Variants in NCKAP1 observed in about 807,000 individuals in gnomAD.
NCKAP1 encodes NCK associated protein 1, also known as nck-associated protein 1.
In NCKAP1, 21 loss-of-function variants were observed where a neutral mutation model predicts 151.2. The ratio of observed to expected loss-of-function variants is 0.14; its 90% CI spans 0.10 to 0.20. The LOEUF (loss-of-function observed/expected upper bound fraction) is 0.20, where lower values mean the gene tolerates loss of function less well. Ranked by LOEUF, NCKAP1 falls within the 10% of genes least tolerant of loss-of-function variation. NCKAP1 has a pLI of 1.00. For synonymous variants in NCKAP1, 484 were observed against 451.8 expected, an observed-to-expected ratio of 1.07 and a Z score of -0.90; for missense variants, 933 against 1,352.1, an observed-to-expected ratio of 0.69 and a Z score of 4.86.
At position 182,918,389 on chromosome 2, in the gene NCKAP1, T is replaced by C. The variant is rs2105789228; in HGVS notation, c.*7313A>G. ...ATCAAAAAAAATCTGCATGTGTATA[T>C]TTATTGCAGCACAATTCATAACTGC... On this transcript the variant is annotated 3_prime_UTR_variant, in exon 31 of 31. Transcript: ENST00000361354. The C allele has an allele frequency of 6.6e-6, 1 of 152,294 alleles. No individual in the cohort carries two copies. Among genetic ancestry groups the C allele is most frequent in the Non-Finnish European group, 1.5e-5 (1 of 68,026 alleles). The allele number at this position is 152,294 out of a possible 1,614,324, so 9.4% of individuals were successfully genotyped here.
At position 183,007,437 on chromosome 2, in the gene NCKAP1, T is replaced by C. The variant is rs535446807; in HGVS notation, c.220-4112A>G. On this transcript the variant is annotated intron_variant, in intron 2 of 30. Coordinates refer to ENST00000361354, the MANE Select transcript of NCKAP1 (RefSeq NM_013436.5). The stretch of plus-strand genomic sequence containing the variant: ...CACACAAATATAAGTATCGAGAAAA[T>C]TGAAATTTATTATGTATTCTAAATC... 4.6e-5 allele frequency among the ~76,000 whole-genome samples: 7 copies of C among 152,256 alleles called. No homozygotes were observed. In the South Asian group the frequency reaches 1.5e-3, roughly 32 times the overall value.
intron 6 of NCKAP1, 89 bp from the exon 7 acceptor site, chr2:182,995,927 A>G: frequency 1.7e-6 from 2 of 1,146,450 alleles, no homozygotes; most frequent in Non-Finnish European, 2.5e-6. Context: ...GTTTCTAACT[A>G]TACCATCATA....
intron 1 of NCKAP1, chr2:183,024,846 A>T (rs777421644): frequency 1.1e-5 from 10 of 945,680 alleles, no homozygotes; most frequent in African/African-American, 6.6e-5. Context: ...GAGGAAATAC[A>T]CTACTGCAAT....
chr2:182,960,268 T>C (rs1223770811), intron 18 of NCKAP1, among the ~76,000 whole-genome samples: 3 of 152,106 alleles, frequency 2.0e-5, no homozygotes, highest in South Asian at 2.1e-4. Context: ...GAGCCCGCAT[T>C]GCCAAGTCAA....
intron 2 of NCKAP1, among the ~76,000 whole-genome samples, chr2:183,012,861 G>C (rs528470949): frequency 1.3e-5 from 2 of 150,308 alleles, no homozygotes; most frequent in African/African-American, 4.9e-5. Context: ...CTGACCTCAA[G>C]TGATCCACTC....
Position 183,001,933 on chromosome 2 carries a change from G to A in NCKAP1, c.603+20C>T, listed in dbSNP as rs749975685. The A allele has an allele frequency of 1.3e-6, 2 of 1,587,954 alleles. No individual in the cohort carries two copies. The highest frequency in any genetic ancestry group is 2.2e-5 in the South Asian group (2 of 90,344). ...ATGTTATATGCCCATTCTCTCATAT[G>A]CCTAACAACTGCCTCTTACCTTGCT... is the stretch of plus-strand genomic sequence containing the variant. On this transcript the variant is annotated intron_variant, in intron 6 of 30. Coordinates refer to ENST00000361354, the MANE Select transcript of NCKAP1 (RefSeq NM_013436.5).
At chr2:182,999,336 G>A (rs185407662) in intron 6 of NCKAP1, among the ~76,000 whole-genome samples, 3 of 152,112 alleles carry the variant, frequency 2.0e-5, no homozygotes, top group Admixed American at 6.5e-5. Context: ...GGCAAAGGAC[G>A]TCAATAAACA....
chr2:182,974,281 A>G (rs988013657), intron 15 of NCKAP1, among the ~76,000 whole-genome samples: 4 of 149,236 alleles, frequency 2.7e-5, no homozygotes, highest in Non-Finnish European at 6.0e-5. Context: ...AAAAAAAAAA[A>G]GGGTCTGTAT....
At position 182,915,963 on chromosome 2, in the gene NCKAP1, G is replaced by A. The variant is rs1395332038; in HGVS notation, c.*9739C>T. ...TTCACCTTTTGTCTATTTATACAAG[G>A]GGCTCAGATTCTGCATCTTCTCCCC... On this transcript the variant is annotated 3_prime_UTR_variant, in exon 31 of 31. Coordinates refer to ENST00000361354, the MANE Select transcript of NCKAP1 (RefSeq NM_013436.5). 1 of 151,796 alleles carries A rather than the reference G, an allele frequency of 6.6e-6. No individual in the cohort carries two copies. The highest frequency in any genetic ancestry group is 1.9e-4 in the East Asian group (1 of 5,190). The allele number at this position is 151,796 out of a possible 1,614,324, so 9.4% of individuals were successfully genotyped here. A position where few individuals can be genotyped will look rare whatever the true frequency, so the allele number is the denominator to read the frequency against.
At position 182,913,830 on chromosome 2, in the gene NCKAP1, G is replaced by A. The variant is rs1335345967; in HGVS notation, c.*11872C>T. ...TGCATCTGCCTCATTCTTTTTTCCT[G>A]ATCAGCACTCTGATGCTCTCTGCCC... On this transcript the variant is annotated 3_prime_UTR_variant, in exon 31 of 31. Transcript: ENST00000361354. The A allele has an allele frequency of 6.6e-6, 1 of 152,040 alleles. No homozygotes were observed. The highest frequency in any genetic ancestry group is 1.5e-5 in the Non-Finnish European group (1 of 68,116). 9.4% of individuals were successfully genotyped at this position (152,040 alleles called of 1,614,324 possible). A position where few individuals can be genotyped will look rare whatever the true frequency, so the allele number is the denominator to read the frequency against.
chr2:182,940,368 A>G (rs77356754), intron 24 of NCKAP1, among the ~76,000 whole-genome samples: 6,546 of 152,184 alleles, frequency 0.043, 194 homozygotes, highest in South Asian at 0.13. Flanking sequence ...TAATGCTACC[A>G]CGTCTATTTT....
chr2:182,964,007 A>G (rs1697510095), intron 17 of NCKAP1, among the ~76,000 whole-genome samples: 1 of 152,146 alleles, frequency 6.6e-6, no homozygotes. Flanking sequence ...CAAGTTCTGC[A>G]ATTTTAAGTA....
chr2:182,976,855 A>C (rs969561850), intron 15 of NCKAP1, 38 bp downstream of exon 15: 3 of 1,340,524 alleles, frequency 2.2e-6, no homozygotes, highest in East Asian at 5.1e-5. Flanking sequence ...TGTTAACTAA[A>C]ATAACAAAAC....
intron 17 of NCKAP1, among the ~76,000 whole-genome samples, chr2:182,963,818 G>A (rs538133394): frequency 5.9e-5 from 9 of 152,092 alleles, no homozygotes; most frequent in South Asian, 4.2e-4. Flanking sequence ...ATTAAAATTC[G>A]TGGTATTAAT....
intron 20 of NCKAP1, among the ~76,000 whole-genome samples, chr2:182,955,442 TAAAACA>T: frequency 6.6e-6 from 1 of 152,262 alleles, no homozygotes; most frequent in Middle Eastern, 3.4e-3. Flanking sequence ...AGAAAAAGGT[TAAAACA>T]ATATATATAA....
At chr2:182,979,593 T>G (rs532703611) in intron 13 of NCKAP1, among the ~76,000 whole-genome samples, 1 of 152,032 alleles carries the variant, frequency 6.6e-6, no homozygotes, top group African/African-American at 2.4e-5. Context: ...ATCATGAAAA[T>G]GGTAAATTTT....
chr2:182,962,088 A>T, intron 18 of NCKAP1, 71 bp downstream of exon 18: 1 of 1,483,064 alleles, frequency 6.7e-7, no homozygotes, highest in Non-Finnish European at 9.1e-7. Flanking sequence ...GTAAAACAAC[A>T]ACTGGCTAAA....
At chr2:182,972,219 A>G (rs541018942) in intron 15 of NCKAP1, among the ~76,000 whole-genome samples, 14 of 115,452 alleles carry the variant, frequency 1.2e-4, no homozygotes, top group Middle Eastern at 8.4e-3. Context: ...CAAACAGCTT[A>G]ATAGCAAAAA....
At chr2:182,984,451 T>TGTGTGTGTGTGTGTGTGTG (rs1188952902) in intron 10 of NCKAP1, among the ~76,000 whole-genome samples, 29 of 144,304 alleles carry the variant, frequency 2.0e-4, no homozygotes, top group Non-Finnish European at 3.4e-4. Context: ...TGTGTGTGTG[T>TGTGTGTGTGTGTGTGTGTG]TGCCTATGCC....
Sources: allele counts gnomAD v4.1 joint callset (sites outside exome capture counted in the v4.1 genomes callset), GRCh38; gene constraint gnomAD v4.1.1; transcripts MANE v1.5; gene names NCBI Gene and HGNC (gene_info 2026-07-23, HGNC 2026-07-21).